SLC37A1: variants seen among roughly 807,000 people sequenced by gnomAD.
SLC37A1 encodes solute carrier family 37 member 1.
In SLC37A1, 49 loss-of-function variants were observed where a neutral mutation model predicts 75.3. The ratio of observed to expected loss-of-function variants is 0.65; its 90% confidence interval spans 0.52 to 0.83. SLC37A1 has a LOEUF of 0.83. SLC37A1 is among the 40% of genes least tolerant of loss of function. The pLI, the probability that SLC37A1 is intolerant of heterozygous loss-of-function variation, is 0.00. For synonymous variants in SLC37A1, 268 were observed against 292.1 expected, an observed-to-expected ratio of 0.92 and a Z score of 0.84; for missense variants, 566 against 695.0, an observed-to-expected ratio of 0.81 and a Z score of 2.09.
chr21:42,553,603 C>T (rs1480815867), intron 9 of SLC37A1, among the ~76,000 whole-genome samples: 1 of 151,834 alleles, frequency 6.6e-6, no homozygotes, highest in Non-Finnish European at 1.5e-5. Flanking sequence ...ACCTCCCTGC[C>T]CTCTAGCAGC....
intron 2 of SLC37A1, among the ~76,000 whole-genome samples, chr21:42,525,062 C>T (rs2054747173): frequency 1.3e-5 from 2 of 152,182 alleles, no homozygotes; most frequent in South Asian, 2.1e-4. Flanking sequence ...TCAACGACAG[C>T]GTTTGGGGGC....
intron 10 of SLC37A1, among the ~76,000 whole-genome samples, chr21:42,558,000 C>T (rs952689296): frequency 3.3e-5 from 5 of 152,078 alleles, no homozygotes; most frequent in African/African-American, 1.2e-4. Flanking sequence ...GAAGGACAGC[C>T]GCACAATCAC....
At chr21:42,574,000 T>G (rs2056249151) in intron 17 of SLC37A1, among the ~76,000 whole-genome samples, 1 of 79,608 alleles carries the variant, frequency 1.3e-5, no homozygotes, top group Admixed American at 1.5e-4. Context: ...TTAGTACATG[T>G]GGTTCATCAT....
At chr21:42,526,175 C>T (rs918979625) in intron 3 of SLC37A1, 2 of 218,168 alleles carry the variant, frequency 9.2e-6, no homozygotes, top group African/African-American at 2.3e-5. Flanking sequence ...TAAGTGGTTC[C>T]CCAAATTCCA....
intron 2 of SLC37A1, among the ~76,000 whole-genome samples, chr21:42,518,889 G>A (rs754048123): frequency 6.6e-6 from 1 of 152,206 alleles, no homozygotes; most frequent in East Asian, 1.9e-4. Flanking sequence ...GGCCTTGCCG[G>A]GGCAGAACTT....
At chr21:42,522,054 G>A (rs1175446670) in intron 2 of SLC37A1, among the ~76,000 whole-genome samples, 1 of 152,192 alleles carries the variant, frequency 6.6e-6, no homozygotes, top group African/African-American at 2.4e-5. Context: ...CATCACACCA[G>A]TCTCTGCCTG....
At chr21:42,550,093 T>G (rs546915936) in intron 9 of SLC37A1, among the ~76,000 whole-genome samples, 5 of 152,294 alleles carry the variant, frequency 3.3e-5, no homozygotes, top group Non-Finnish European at 5.9e-5. Flanking sequence ...CTCTTTTATG[T>G]GAAACAAAAT....
chr21:42,515,515 A>G (rs1251710081), intron 1 of SLC37A1, among the ~76,000 whole-genome samples: 1 of 152,192 alleles, frequency 6.6e-6, no homozygotes, highest in African/African-American at 2.4e-5. Flanking sequence ...TCTGCAGATT[A>G]CTTGGAACCT....
At chr21:42,520,291 C>T (rs889069579) in intron 2 of SLC37A1, among the ~76,000 whole-genome samples, 11 of 152,202 alleles carry the variant, frequency 7.2e-5, no homozygotes, top group African/African-American at 2.7e-4. Context: ...TGGGTCTCGT[C>T]TCTTCATCTA....
intron 17 of SLC37A1, among the ~76,000 whole-genome samples, chr21:42,573,631 T>C (rs1428022356): frequency 6.6e-6 from 1 of 151,854 alleles, no homozygotes; most frequent in Non-Finnish European, 1.5e-5. Flanking sequence ...ATACAATTGC[T>C]CCTGGGATTA....
rs1208467389 is a variant in SLC37A1, at chr21:42,539,665, T to C, written c.486+18T>C. 7.5e-6 allele frequency: 12 copies of C among 1,605,814 alleles called. No homozygotes were observed. In the South Asian group the frequency reaches 1.2e-4, roughly 16 times the overall value. ...TAACTCAGGTAAGGGTTTGGATCCGTGGCTCACCATGTACGGGGTTTCCTT... is the reference window on the plus strand; with the variant it reads ...TAACTCAGGTAAGGGTTTGGATCCGCGGCTCACCATGTACGGGGTTTCCTT... On this transcript the variant is annotated intron_variant, in intron 6 of 19. Coordinates refer to ENST00000352133, the MANE Select transcript of SLC37A1 (RefSeq NM_001320537.2).
rs562713463 is a variant in SLC37A1 at position 42,549,759 on chromosome 21, A to G, written c.768+2619A>G. On this transcript the variant is annotated intron_variant, in intron 9 of 19. Transcript: ENST00000352133. ...GGAGCTTTTGGGCAAAGCAAAATGC[A>G]TTTGTAAGAGATTTCAGATGTGCTG... 6.6e-5 allele frequency among the ~76,000 whole-genome samples: 10 copies of G among 152,332 alleles called. No homozygotes were observed. The South Asian group carries it at 1.9e-3, about 28-fold the overall frequency.
At chr21:42,531,008 T>C (rs1241841998) in intron 3 of SLC37A1, among the ~76,000 whole-genome samples, 1 of 152,014 alleles carries the variant, frequency 6.6e-6, no homozygotes, top group Non-Finnish European at 1.5e-5. Flanking sequence ...GCTCTGCAGG[T>C]GTAGGATGAG....
At chr21:42,508,456 T>C (rs2054405018) in intron 2 of SLC37A1, among the ~76,000 whole-genome samples, 1 of 152,118 alleles carries the variant, frequency 6.6e-6, no homozygotes, top group Admixed American at 6.6e-5. Context: ...GCAGACCCCA[T>C]AAAAATTTTC....
At chr21:42,573,561 GA>G (rs1210474046) in intron 17 of SLC37A1, among the ~76,000 whole-genome samples, 1 of 151,860 alleles carries the variant, frequency 6.6e-6, no homozygotes, top group African/African-American at 2.4e-5. Flanking sequence ...GGGGTGTGGA[GA>G]TAACACATGA....
intron 5 of SLC37A1, 104 bp downstream of exon 5, chr21:42,535,654 C>T: frequency 2.0e-6 from 2 of 991,186 alleles, no homozygotes; most frequent in South Asian, 2.8e-5. Context: ...GATTGAGGCC[C>T]CCGCTTGCCA....
intron 5 of SLC37A1, among the ~76,000 whole-genome samples, chr21:42,539,034 A>G (rs1451656042): frequency 6.6e-6 from 1 of 152,228 alleles, no homozygotes; most frequent in Non-Finnish European, 1.5e-5. Flanking sequence ...CACTGAGCCC[A>G]GCCAGCCAGG....
intron 9 of SLC37A1, among the ~76,000 whole-genome samples, chr21:42,553,776 A>G (rs989731210): frequency 6.6e-6 from 1 of 152,170 alleles, no homozygotes; most frequent in Non-Finnish European, 1.5e-5. Flanking sequence ...AACCATTGAA[A>G]CAATCTCACG....
upstream of SLC37A1, chr21:42,509,761 T>C (rs918385746): frequency 5.9e-5 from 9 of 152,254 alleles, no homozygotes; most frequent in Non-Finnish European, 1.0e-4. The surrounding 1 kb of genome is among the most constrained non-coding windows in gnomAD (Gnocchi z 4.2). Context: ...TTCTTGCTTT[T>C]TGATCAGTGG....
Sources: gnomAD v4.1 joint callset for allele counts (sites outside exome capture counted in the v4.1 genomes callset) on GRCh38, gnomAD v4.1.1 for gene constraint, Gnocchi (gnomAD v3.1) non-coding constraint, MANE v1.5 for transcripts, NCBI Gene and HGNC (gene_info 2026-07-23, HGNC 2026-07-21) for gene names.